The following SLC25A26 variants were observed in gnomAD, a reference collection of about 807,000 sequenced individuals.
SLC25A26 encodes mitochondrial S-adenosylmethionine carrier protein.
In SLC25A26, 36 loss-of-function variants were observed where a neutral mutation model predicts 37.8. The observed-to-expected ratio is 0.95, with a 90% confidence interval of 0.73 to 1.26. The LOEUF is 1.26. Among genes scored for constraint, SLC25A26 ranks in the 50% most tolerant of loss-of-function variants. The probability of loss-of-function intolerance (pLI) is 0.00; values close to 1 mark genes in which losing one functional copy is unlikely to be tolerated. For synonymous variants in SLC25A26, 129 were observed against 122.5 expected (o/e 1.05, Z -0.35); for missense variants, 390 against 331.1 (o/e 1.18, Z -1.38).
chr3:66,173,490 T>C (rs1466476951), intron 1 of SLC25A26, among the ~76,000 whole-genome samples: 1 of 152,168 alleles, frequency 6.6e-6, no homozygotes, highest in Non-Finnish European at 1.5e-5. Context: ...GAGTGGATGT[T>C]TAAGCTTGCT....
intron 1 of SLC25A26, among the ~76,000 whole-genome samples, chr3:66,162,541 T>C (rs904183494): frequency 2.0e-5 from 3 of 152,112 alleles, no homozygotes; most frequent in Non-Finnish European, 4.4e-5. Flanking sequence ...GGCTAGAGTC[T>C]AGATGTGATG....
intron 5 of SLC25A26, among the ~76,000 whole-genome samples, chr3:66,306,262 A>G (rs1269398008): frequency 2.0e-5 from 3 of 152,182 alleles, no homozygotes; most frequent in South Asian, 2.1e-4. Flanking sequence ...TTACAGGCGT[A>G]AGCCACTGCG....
At chr3:66,183,626 A>G (rs768022954) in intron 1 of SLC25A26, among the ~76,000 whole-genome samples, 3 of 151,742 alleles carry the variant, frequency 2.0e-5, no homozygotes, top group Admixed American at 6.6e-5. Context: ...GACATTCACA[A>G]TTACTCAGAT....
At chr3:66,240,768 CAG>C (rs1308419276) in intron 2 of SLC25A26, among the ~76,000 whole-genome samples, 2 of 123,118 alleles carry the variant, frequency 1.6e-5, no homozygotes, top group African/African-American at 6.7e-5. Flanking sequence ...TTTTTTGAGA[CAG>C]AGTCTCACTC....
chr3:66,288,956 A>T (rs750955111), intron 5 of SLC25A26, among the ~76,000 whole-genome samples: 2 of 152,072 alleles, frequency 1.3e-5, no homozygotes, highest in African/African-American at 4.8e-5. Flanking sequence ...GTGTAAAAGC[A>T]TTCCTATTTC....
intron 5 of SLC25A26, among the ~76,000 whole-genome samples, chr3:66,297,216 TATTC>T (rs1246386528): frequency 6.6e-6 from 1 of 151,108 alleles, no homozygotes; most frequent in Non-Finnish European, 1.5e-5. Context: ...TAATCCCAGC[TATTC>T]GGGAGGCTGA....
intron 5 of SLC25A26, among the ~76,000 whole-genome samples, chr3:66,314,932 TG>T (rs1477758296): frequency 6.6e-6 from 1 of 152,082 alleles, no homozygotes; most frequent in African/African-American, 2.4e-5. Flanking sequence ...TAGTATTCTC[TG>T]ATCATTGTTT....
chr3:66,321,101 A>C (rs2075681894), intron 5 of SLC25A26, among the ~76,000 whole-genome samples: 1 of 152,162 alleles, frequency 6.6e-6, no homozygotes, highest in African/African-American at 2.4e-5. Flanking sequence ...CACATGCCAG[A>C]GACCCCCACC....
intron 1 of SLC25A26, among the ~76,000 whole-genome samples, chr3:66,208,939 T>A (rs1410154232): frequency 8.0e-6 from 1 of 125,186 alleles, no homozygotes. Flanking sequence ...TACACATATA[T>A]ATACATTTAT....
intron 7 of SLC25A26, among the ~76,000 whole-genome samples, chr3:66,367,527 G>A (rs928250056): frequency 6.6e-6 from 1 of 152,194 alleles, no homozygotes; most frequent in Non-Finnish European, 1.5e-5. Flanking sequence ...CAACTCCAAA[G>A]AAGGGTTCTT....
chr3:66,368,124 G>T (rs1326838854), intron 7 of SLC25A26, among the ~76,000 whole-genome samples: 1 of 152,128 alleles, frequency 6.6e-6, no homozygotes. Flanking sequence ...TAGATATTTG[G>T]CAGAGATCAG....
At chr3:66,209,298 T>C (rs1321998731) in intron 1 of SLC25A26, among the ~76,000 whole-genome samples, 1 of 139,856 alleles carries the variant, frequency 7.2e-6, no homozygotes, top group Non-Finnish European at 1.5e-5. Context: ...TATATAGCTA[T>C]ATGTATGTAT....
intron 6 of SLC25A26, among the ~76,000 whole-genome samples, chr3:66,355,110 G>T (rs783128): frequency 0.17 from 26,380 of 151,964 alleles, 5,074 homozygotes; most frequent in African/African-American, 0.48. Context: ...AGCCCAGTCA[G>T]TTCCAAAAAT....
chr3:66,279,442 A>G (rs775956815), intron 5 of SLC25A26, among the ~76,000 whole-genome samples: 2 of 152,208 alleles, frequency 1.3e-5, no homozygotes, highest in Non-Finnish European at 2.9e-5. Flanking sequence ...GTCCTCATTG[A>G]ATGAAAATGC....
chr3:66,204,844 G>A (rs1290591238), intron 1 of SLC25A26, among the ~76,000 whole-genome samples: 2 of 152,166 alleles, frequency 1.3e-5, no homozygotes, highest in African/African-American at 2.4e-5. Context: ...TGCCATGAAT[G>A]TTAAACCACT....
chr3:66,164,142 C>G (rs926313444), intron 1 of SLC25A26, among the ~76,000 whole-genome samples: 21 of 152,176 alleles, frequency 1.4e-4, no homozygotes, highest in Non-Finnish European at 2.8e-4. Flanking sequence ...GACCTTTGCT[C>G]TCTAAAATTT....
At chr3:66,315,363 C>G (rs1444796983) in intron 5 of SLC25A26, among the ~76,000 whole-genome samples, 1 of 152,042 alleles carries the variant, frequency 6.6e-6, no homozygotes, top group African/African-American at 2.4e-5. Flanking sequence ...TGATTTCTGC[C>G]TTAATTTCAT....
chr3:66,187,742 C>G (rs1350325806), intron 1 of SLC25A26, among the ~76,000 whole-genome samples: 4 of 136,442 alleles, frequency 2.9e-5, no homozygotes, highest in African/African-American at 8.2e-5. Flanking sequence ...TGACCAACAC[C>G]TTGACTATGA....
intron 5 of SLC25A26, chr3:66,304,562 T>G: frequency 2.3e-6 from 1 of 441,288 alleles, no homozygotes; most frequent in South Asian, 1.6e-5. Context: ...AACCCCTGAT[T>G]GCTGAACATG....
Sources: gnomAD v4.1 joint callset for allele counts (sites outside exome capture counted in the v4.1 genomes callset) on GRCh38, gnomAD v4.1.1 for gene constraint, MANE v1.5 for transcripts, NCBI Gene and HGNC (gene_info 2026-07-23, HGNC 2026-07-21) for gene names.